SORCS2: variants seen among roughly 807,000 people sequenced by gnomAD.
SORCS2 encodes VPS10 domain-containing receptor SorCS2.
In SORCS2, 100 loss-of-function variants were observed where a neutral mutation model predicts 141.6. The observed-to-expected ratio is 0.71, with a 90% confidence interval of 0.60 to 0.83. The LOEUF is 0.83. Ranked by LOEUF, SORCS2 falls within the 40% of genes least tolerant of loss-of-function variation. The probability of loss-of-function intolerance (pLI) is 0.00; values close to 1 mark genes in which losing one functional copy is unlikely to be tolerated. For synonymous variants in SORCS2, 789 were observed against 676.9 expected, an observed-to-expected ratio of 1.17 and a Z score of -2.57; for missense variants, 1,646 against 1,560.2, an observed-to-expected ratio of 1.05 and a Z score of -0.93.
chr4:7,475,589 G>T (rs1730242124), intron 2 of SORCS2, among the ~76,000 whole-genome samples: 1 of 152,244 alleles, frequency 6.6e-6, no homozygotes, highest in Non-Finnish European at 1.5e-5. Flanking sequence ...GGATCCTGGA[G>T]CCCCTTCCCT....
intron 2 of SORCS2, among the ~76,000 whole-genome samples, chr4:7,461,034 G>C (rs1420436402): frequency 6.6e-6 from 1 of 152,102 alleles, no homozygotes; most frequent in Non-Finnish European, 1.5e-5. Flanking sequence ...GAAATGCCAG[G>C]CTGCAGGCAG....
rs565084160 is a variant in SORCS2, at chr4:7,621,245, C to T, written c.649-17083C>T. Among the ~76,000 whole-genome samples the T allele has an allele frequency of 1.5e-4, 23 of 152,296 alleles. 1 individual carries two copies. The highest frequency in any genetic ancestry group is 1.0e-3 in the Admixed American group (16 of 15,304). On this transcript the variant is annotated intron_variant, in intron 3 of 26. Coordinates refer to ENST00000507866, the MANE Select transcript of SORCS2 (RefSeq NM_020777.3). ...GGGGCACAGGGTCTTTCCTGGGTTCCGAAGCCTTCCTCTCCCACTCCCTCC... is the reference window on the plus strand; with the variant it reads ...GGGGCACAGGGTCTTTCCTGGGTTCTGAAGCCTTCCTCTCCCACTCCCTCC...
At position 7,193,566 on chromosome 4, in the gene SORCS2, A is replaced by G. The variant is rs1726985297; in HGVS notation, c.480+440A>G. 1.3e-5 allele frequency among the ~76,000 whole-genome samples: 2 copies of G among 152,086 alleles called. No individual in the cohort carries two copies. Among genetic ancestry groups the G allele is most frequent in the Admixed American group, 1.3e-4 (2 of 15,282 alleles). Reference sequence around the variant, plus strand: ...GGGATCCTTCCCTCCCTGGTCTACCAGGGACTCCGCGGTGGCGCCTCCGCA... The same window carrying G: ...GGGATCCTTCCCTCCCTGGTCTACCGGGGACTCCGCGGTGGCGCCTCCGCA... On this transcript the variant is annotated intron_variant, in intron 1 of 26. Coordinates refer to ENST00000507866, the MANE Select transcript of SORCS2 (RefSeq NM_020777.3). The surrounding 1 kb of genome is among the most constrained non-coding windows in gnomAD (Gnocchi z 4.8).
At chr4:7,457,459 G>C (rs374233335) in intron 2 of SORCS2, among the ~76,000 whole-genome samples, 53 of 152,128 alleles carry the variant, frequency 3.5e-4, no homozygotes, top group African/African-American at 1.0e-3. Flanking sequence ...CTCACACCAG[G>C]GAGCGTGCCC....
chr4:7,455,928 C>G (rs1402755141), intron 2 of SORCS2, among the ~76,000 whole-genome samples: 1 of 152,148 alleles, frequency 6.6e-6, no homozygotes, highest in African/African-American at 2.4e-5. Flanking sequence ...ACTCAGGCTG[C>G]CAAAACAAAA....
At chr4:7,359,027 G>C (rs796375478) in intron 1 of SORCS2, among the ~76,000 whole-genome samples, 6 of 152,332 alleles carry the variant, frequency 3.9e-5, no homozygotes, top group African/African-American at 1.4e-4. Context: ...TTGTGGCCAG[G>C]TGCAGTGGCT....
intron 3 of SORCS2, among the ~76,000 whole-genome samples, chr4:7,622,075 C>T (rs1045493715): frequency 2.6e-5 from 4 of 151,398 alleles, no homozygotes; most frequent in African/African-American, 7.2e-5. Context: ...CCCCAGAGCA[C>T]GGCCCCTGGG....
intron 1 of SORCS2, among the ~76,000 whole-genome samples, chr4:7,282,551 G>A (rs1190842342): frequency 6.6e-6 from 1 of 152,190 alleles, no homozygotes; most frequent in Non-Finnish European, 1.5e-5. Flanking sequence ...CACCAAAGCA[G>A]CCTAGATCTG....
chr4:7,706,015 A>T, intron 14 of SORCS2, among the ~76,000 whole-genome samples: 1 of 146,232 alleles, frequency 6.8e-6, no homozygotes. Context: ...GACAGGGATG[A>T]GGCTGGGCTC....
chr4:7,652,777 G>T (rs1323701706), intron 4 of SORCS2, among the ~76,000 whole-genome samples: 2 of 152,092 alleles, frequency 1.3e-5, no homozygotes, highest in Admixed American at 6.5e-5. Context: ...TTGAAACGCT[G>T]TCTGACCACG....
intron 2 of SORCS2, among the ~76,000 whole-genome samples, chr4:7,457,236 TC>T (rs1462088945): frequency 6.6e-6 from 1 of 152,196 alleles, no homozygotes; most frequent in Non-Finnish European, 1.5e-5. Context: ...TGGACCTGAA[TC>T]CCAGCCTGTC....
chr4:7,284,597 CAG>C (rs1018420305), intron 1 of SORCS2, among the ~76,000 whole-genome samples: 2 of 152,170 alleles, frequency 1.3e-5, no homozygotes, highest in African/African-American at 4.8e-5. Context: ...GCATTTGACA[CAG>C]AGGCCTGAAG....
chr4:7,430,092 T>C, intron 2 of SORCS2, among the ~76,000 whole-genome samples: 1 of 152,048 alleles, frequency 6.6e-6, no homozygotes, highest in East Asian at 1.9e-4. Flanking sequence ...CTTTCATCCC[T>C]GGAGGTCACG....
chr4:7,660,729 G>C (rs1036959705), intron 5 of SORCS2, among the ~76,000 whole-genome samples: 3 of 152,214 alleles, frequency 2.0e-5, no homozygotes, highest in Non-Finnish European at 4.4e-5. Flanking sequence ...TGCAGATGAA[G>C]GCACCTACCT....
At chr4:7,216,986 G>T in intron 1 of SORCS2, among the ~76,000 whole-genome samples, 1 of 152,114 alleles carries the variant, frequency 6.6e-6, no homozygotes, top group East Asian at 1.9e-4. Flanking sequence ...CATCCGCACT[G>T]TGTGGCGGTT....
intron 2 of SORCS2, among the ~76,000 whole-genome samples, chr4:7,491,125 C>G (rs971456142): frequency 6.6e-6 from 1 of 152,216 alleles, no homozygotes; most frequent in Non-Finnish European, 1.5e-5. Flanking sequence ...CTCCTCTCCC[C>G]TCCTCCAGTT....
chr4:7,409,330 A>G (rs906908957), intron 2 of SORCS2, among the ~76,000 whole-genome samples: 1 of 152,142 alleles, frequency 6.6e-6, no homozygotes, highest in Non-Finnish European at 1.5e-5. Context: ...GAGGTCTCAA[A>G]GGGGATTTCT....
intron 1 of SORCS2, among the ~76,000 whole-genome samples, chr4:7,390,871 A>G (rs994002611): frequency 3.3e-5 from 5 of 152,246 alleles, no homozygotes; most frequent in African/African-American, 1.2e-4. Context: ...TTCTAAAGGC[A>G]TCGATCGGCT....
chr4:7,626,736 T>C (rs1420819450), intron 3 of SORCS2, among the ~76,000 whole-genome samples: 1 of 152,220 alleles, frequency 6.6e-6, no homozygotes, highest in African/African-American at 2.4e-5. Flanking sequence ...TGCGTTTGTT[T>C]TCCTTCCTGT....
Sources: allele counts gnomAD v4.1 joint callset (sites outside exome capture counted in the v4.1 genomes callset), GRCh38; gene constraint gnomAD v4.1.1; non-coding constraint Gnocchi (gnomAD v3.1); transcripts MANE v1.5; gene names NCBI Gene and HGNC (gene_info 2026-07-23, HGNC 2026-07-21).